FAM107B: variants seen among roughly 807,000 people sequenced by gnomAD.
FAM107B encodes the protein family with sequence similarity 107 member B.
A neutral mutation model predicts 31.5 loss-of-function variants in FAM107B; 21 were observed. The ratio of observed to expected loss-of-function variants is 0.67; its 90% confidence interval spans 0.47 to 0.96. The LOEUF (loss-of-function observed/expected upper bound fraction) is 0.96. FAM107B is among the 40% of genes least tolerant of loss of function. The pLI is 0.00. For synonymous variants in FAM107B, 157 were observed against 141.5 expected, an observed-to-expected ratio of 1.11 and a Z score of -0.78; for missense variants, 452 against 377.1, an observed-to-expected ratio of 1.20 and a Z score of -1.64.
At chr10:14,734,488 G>T (rs995303449) in intron 1 of FAM107B, among the ~76,000 whole-genome samples, 10 of 138,546 alleles carry the variant, frequency 7.2e-5, no homozygotes, top group African/African-American at 2.4e-4. Flanking sequence ...TTTTTGTGAG[G>T]TTTTTTTTTT....
At chr10:14,662,001 T>C (rs370104176) in intron 2 of FAM107B, among the ~76,000 whole-genome samples, 1 of 152,206 alleles carries the variant, frequency 6.6e-6, no homozygotes, top group African/African-American at 2.4e-5. Flanking sequence ...GACCACATCA[T>C]AGGAACTCTT....
intron 2 of FAM107B, among the ~76,000 whole-genome samples, chr10:14,584,610 T>C (rs1851763549): frequency 6.6e-6 from 1 of 151,970 alleles, no homozygotes; most frequent in Admixed American, 6.6e-5. Flanking sequence ...CGTGCAGTGC[T>C]CTCCCTACAA....
At chr10:14,742,522 A>T (rs147370031) in intron 1 of FAM107B, among the ~76,000 whole-genome samples, 1 of 152,166 alleles carries the variant, frequency 6.6e-6, no homozygotes, top group African/African-American at 2.4e-5. Flanking sequence ...TTCACTGATG[A>T]ACTGAAAGCA....
intron 2 of FAM107B, among the ~76,000 whole-genome samples, chr10:14,583,917 G>A (rs1164160261): frequency 8.5e-5 from 13 of 152,168 alleles, no homozygotes; most frequent in Admixed American, 7.2e-4. Flanking sequence ...AAAGGGACTC[G>A]TGGTCACCGT....
At chr10:14,525,961 C>CG (rs1478781522) in intron 3 of FAM107B, among the ~76,000 whole-genome samples, 1 of 152,100 alleles carries the variant, frequency 6.6e-6, no homozygotes, top group East Asian at 1.9e-4. Context: ...CAAGGGCAGA[C>CG]GGGGCGAGTC....
At chr10:14,573,503 G>A (rs994665353) in intron 2 of FAM107B, among the ~76,000 whole-genome samples, 11 of 148,438 alleles carry the variant, frequency 7.4e-5, no homozygotes, top group Middle Eastern at 3.4e-3. Context: ...AAGGCAGGAG[G>A]ATCACTTGAG....
At position 14,750,478 on chromosome 10, in the gene FAM107B, G is replaced by T. The variant is rs1832805566; in HGVS notation, c.411+23775C>A. 2.6e-5 allele frequency among the ~76,000 whole-genome samples: 4 copies of T among 152,234 alleles called. No individual in the cohort carries two copies. In the South Asian group the frequency reaches 8.3e-4, roughly 32 times the overall value. ...AATACAAAAATTAGCTGGGCGGGAT[G>T]GTGCACACCTGTAATCCCAGCTACT... On this transcript the variant is annotated intron_variant, in intron 1 of 4. Transcript: ENST00000181796.
At chr10:14,573,916 C>CAA (rs549901262) in intron 2 of FAM107B, among the ~76,000 whole-genome samples, 1 of 137,380 alleles carries the variant, frequency 7.3e-6, no homozygotes, top group African/African-American at 2.7e-5. Context: ...AACAAACAAA[C>CAA]AAAAAAAAAA....
intron 1 of FAM107B, among the ~76,000 whole-genome samples, chr10:14,702,355 GTTTAT>G (rs1350678128): frequency 1.3e-5 from 2 of 152,000 alleles, no homozygotes; most frequent in South Asian, 2.1e-4. Flanking sequence ...TTTATTTTAT[GTTTAT>G]TTTATTTTTT....
chr10:14,702,017 T>C (rs1335603117), intron 1 of FAM107B, among the ~76,000 whole-genome samples: 2 of 152,236 alleles, frequency 1.3e-5, no homozygotes, highest in South Asian at 2.1e-4. Context: ...CCAAAAAACA[T>C]ATTGCAGAAA....
chr10:14,773,632 T>G (rs1479167040), intron 1 of FAM107B, among the ~76,000 whole-genome samples: 2 of 146,916 alleles, frequency 1.4e-5, no homozygotes, highest in African/African-American at 5.3e-5. Context: ...AGTAAATAAC[T>G]CTTAAGAGCA....
chr10:14,700,201 A>G (rs189378496), intron 1 of FAM107B, among the ~76,000 whole-genome samples: 1,709 of 152,094 alleles, frequency 0.011, 27 homozygotes, highest in Non-Finnish European at 0.014. Flanking sequence ...CCAAAGTGCT[A>G]GGATTACAGG....
intron 2 of FAM107B, among the ~76,000 whole-genome samples, chr10:14,533,629 C>T (rs1191064834): frequency 6.6e-6 from 1 of 152,226 alleles, no homozygotes; most frequent in African/African-American, 2.4e-5. Context: ...TCCCGCACTC[C>T]CACTTCCCCC....
chr10:14,519,670 C>T lies in FAM107B; in HGVS notation c.*1520G>A, dbSNP rs1000048209. On this transcript the variant is annotated 3_prime_UTR_variant, in exon 5 of 5. Transcript: ENST00000181796. ...TCAGATTGAATATGGGCCTAATTGT[C>T]AACTGCTAACACTAAAGCATTCCCA... The T allele has an allele frequency of 1.3e-5, 2 of 152,132 alleles. No individual in the cohort carries two copies. The highest frequency in any genetic ancestry group is 1.3e-4 in the Admixed American group (2 of 15,278). The allele number at this position is 152,132 out of a possible 1,614,324, so 9.4% of individuals were successfully genotyped here.
chr10:14,752,280 C>A (rs111816798), intron 1 of FAM107B, among the ~76,000 whole-genome samples: 2,449 of 152,320 alleles, frequency 0.016, 58 homozygotes, highest in African/African-American at 0.05. Context: ...TTTTGCCCCT[C>A]ACTCACCTCT....
chr10:14,669,220 A>C (rs2131475650), intron 1 of FAM107B, among the ~76,000 whole-genome samples: 1 of 152,128 alleles, frequency 6.6e-6, no homozygotes, highest in Admixed American at 6.5e-5. Context: ...ATACAAAAAA[A>C]TTAGCTGGGT....
intron 1 of FAM107B, among the ~76,000 whole-genome samples, chr10:14,692,759 A>G (rs1231207325): frequency 1.3e-5 from 2 of 152,184 alleles, no homozygotes; most frequent in African/African-American, 4.8e-5. Context: ...CTGAGCTTCA[A>G]ATAGCCCAAG....
chr10:14,601,383 C>T (rs1273837003), intron 2 of FAM107B, among the ~76,000 whole-genome samples: 4 of 152,126 alleles, frequency 2.6e-5, no homozygotes, highest in East Asian at 1.9e-4. Flanking sequence ...ATGGGTCAGG[C>T]CCAGCCCTTC....
At chr10:14,767,168 C>CACTGCA (rs1833200168) in intron 1 of FAM107B, among the ~76,000 whole-genome samples, 1 of 146,976 alleles carries the variant, frequency 6.8e-6, no homozygotes, top group Admixed American at 6.9e-5. Flanking sequence ...AATCTCAGCT[C>CACTGCA]ACTGCAACCT....
Sources: gnomAD v4.1 joint callset for allele counts (sites outside exome capture counted in the v4.1 genomes callset) on GRCh38, gnomAD v4.1.1 for gene constraint, MANE v1.5 for transcripts, NCBI Gene and HGNC (gene_info 2026-07-23, HGNC 2026-07-21) for gene names.